ADAMTS2: variants seen among roughly 807,000 people sequenced by gnomAD.
ADAMTS2 encodes the protein A disintegrin and metalloproteinase with thrombospondin motifs 2.
ADAMTS2 carries 50 observed loss-of-function variants against 123.0 expected under a neutral mutation model. The observed-to-expected ratio is 0.41, with a 90% CI of 0.32 to 0.51. The LOEUF (loss-of-function observed/expected upper bound fraction) is 0.51. Among genes scored for constraint, ADAMTS2 ranks in the 20% least tolerant of loss-of-function variants. The pLI is 0.35. For synonymous variants in ADAMTS2, 678 were observed against 695.4 expected (o/e 0.98, Z 0.39); for missense variants, 1,494 against 1,705.2 (o/e 0.88, Z 2.18).
At chr5:179,151,164 T>TG in intron 10 of ADAMTS2, 1 of 362,030 alleles carries the variant, frequency 2.8e-6, no homozygotes, top group Non-Finnish European at 5.8e-6. Context: ...CCCAAAGTGC[T>TG]GGGATAACAG....
rs772438979 is a variant in ADAMTS2 at position 179,121,745 on chromosome 5, T to C, written c.3094A>G (p.Ile1032Val). 4 of 1,574,884 alleles carry C rather than the reference T, an allele frequency of 2.5e-6. No individual in the cohort carries two copies. The highest frequency in any genetic ancestry group is 3.5e-6 in the Non-Finnish European group (4 of 1,158,042). Residue 1032 changes from isoleucine to valine, a missense_variant, in exon 21 of 22, where the codon ATC becomes GTC. By Grantham distance (29) the Ile-to-Val change is conservative (BLOSUM62 3). Transcript: ENST00000251582. ...TAGCTCTTCTTGGAGGGATCTGAGA[T>C]GTTTCCTAGAGGGAGGAGAGAGGGG... The part of the protein sequence containing the change: ...TCRLGPCPRN[I>V]SDPSKKSYVV...
In ADAMTS2 at chr5:179,150,266, G is replaced by A. The variant is rs2411907; in HGVS notation, c.1629+1876C>T. Among the ~76,000 whole-genome samples, 166 of 152,100 alleles carry A rather than the reference G, an allele frequency of 1.1e-3. 2 individuals carry two copies. In the East Asian group the frequency reaches 0.027, roughly 25 times the overall value. The stretch of plus-strand genomic sequence containing the variant: ...CCTTGTTCTCCAACTCAGCTTTTCC[G>A]AAGCTCCCCCTGGGGCCACGGCAGA... On this transcript the variant is annotated intron_variant, in intron 10 of 21. Coordinates refer to ENST00000251582, the MANE Select transcript of ADAMTS2 (RefSeq NM_014244.5).
In ADAMTS2 at chr5:179,155,199, T is replaced by C. The variant is rs955759758; in HGVS notation, c.1133-280A>G. Among the ~76,000 whole-genome samples the C allele has an allele frequency of 6.6e-6, 1 of 152,224 alleles. No individual in the cohort carries two copies. Among genetic ancestry groups the C allele is most frequent in the African/African-American group, 2.4e-5 (1 of 41,464 alleles). ...AGCTGGGGCCCTCTGCTTAGTCAGA[T>C]GTCACCTGCTATGGCTTGTCTGACA... On this transcript the variant is annotated intron_variant, in intron 6 of 21. Transcript: ENST00000251582. The surrounding 1 kb of genome is among the most constrained non-coding windows in gnomAD (Gnocchi z 5.1).
rs1011949431 is a variant in ADAMTS2, at chr5:179,130,489, C to G, written c.2291-391G>C. On this transcript the variant is annotated intron_variant, in intron 15 of 21. Transcript: ENST00000251582. This position sits in a 1 kb window ranked among gnomAD's most constrained non-coding sequence, Gnocchi z 4.3. ...CGGTGCAGGGCATCTGCTGGACAGG[C>G]GAGCACATGACCCTGCTGGAGTAGG... 2.0e-5 allele frequency among the ~76,000 whole-genome samples: 3 copies of G among 152,200 alleles called. No homozygotes were observed. The highest frequency in any genetic ancestry group is 7.2e-5 in the African/African-American group (3 of 41,458).
Position 179,151,570 on chromosome 5 carries a change from A to G in ADAMTS2, c.1629+572T>C, listed in dbSNP as rs73807257. The stretch of plus-strand genomic sequence containing the variant: ...ATCTGCATATGCCAGCCCCCTAGCA[A>G]GTAACTGGCTGAGGAGTGGGTGTGT... On this transcript the variant is annotated intron_variant, in intron 10 of 21. Transcript: ENST00000251582. Among the ~76,000 whole-genome samples the G allele has an allele frequency of 7.4e-3, 1,126 of 152,308 alleles. 17 individuals are homozygous for G. Among genetic ancestry groups the G allele is most frequent in the African/African-American group, 0.026 (1,065 of 41,566 alleles).
chr5:179,319,362 T>G (rs1169465166), intron 2 of ADAMTS2, among the ~76,000 whole-genome samples: 1 of 152,160 alleles, frequency 6.6e-6, no homozygotes, highest in African/African-American at 2.4e-5. Flanking sequence ...GTCATACATG[T>G]GTATCATATG....
intron 4 of ADAMTS2, among the ~76,000 whole-genome samples, chr5:179,196,211 G>A (rs1764428333): frequency 6.6e-6 from 1 of 152,032 alleles, no homozygotes; most frequent in African/African-American, 2.4e-5. Flanking sequence ...ATGAAAAGAG[G>A]AAAAATATCT....
At chr5:179,315,724 C>T (rs949025968) in intron 2 of ADAMTS2, among the ~76,000 whole-genome samples, 5 of 152,226 alleles carry the variant, frequency 3.3e-5, no homozygotes, top group African/African-American at 9.6e-5. Flanking sequence ...ACTGGCCGCC[C>T]CCAGGAGCTG....
intron 2 of ADAMTS2, among the ~76,000 whole-genome samples, chr5:179,295,905 A>G (rs991877029): frequency 3.3e-5 from 5 of 152,332 alleles, no homozygotes; most frequent in Admixed American, 6.5e-5. Flanking sequence ...GCGTGGAGAC[A>G]GGTGGGGCTG....
intron 2 of ADAMTS2, 56 bp from the exon 3 acceptor site, chr5:179,273,120 G>C (rs1209649872): frequency 1.2e-6 from 2 of 1,611,516 alleles, no homozygotes; most frequent in Non-Finnish European, 8.5e-7. Context: ...CCAAGGAAGG[G>C]GAACAGCGAG....
Position 179,132,335 on chromosome 5 carries a change from GA to G in ADAMTS2, c.2210-26del, listed in dbSNP as rs1762979424. 4.3e-6 allele frequency: 7 copies of G among 1,610,188 alleles called. No individual in the cohort carries two copies. The highest frequency in any genetic ancestry group is 5.9e-6 in the Non-Finnish European group (7 of 1,176,744). ...CCTTTTTTTGATGTGGAAAGACACA[GA>G]AAACTGAGAAGGGAAGGCGCCGCTC... On this transcript the variant is annotated intron_variant, in intron 14 of 21. Transcript: ENST00000251582. This position sits in a 1 kb window ranked among gnomAD's most constrained non-coding sequence, Gnocchi z 6.1.
chr5:179,343,324 C>T (rs377273567), intron 2 of ADAMTS2, among the ~76,000 whole-genome samples: 6 of 152,244 alleles, frequency 3.9e-5, no homozygotes, highest in East Asian at 1.9e-4. Flanking sequence ...TGCAGAAACC[C>T]AGACACATAC....
chr5:179,222,755 C>G (rs752519561), intron 3 of ADAMTS2, among the ~76,000 whole-genome samples: 2 of 152,202 alleles, frequency 1.3e-5, no homozygotes, highest in African/African-American at 2.4e-5. Flanking sequence ...CCTGCCTGCC[C>G]TGCAGAGGTG....
At chr5:179,219,900 C>T (rs1034817072) in intron 3 of ADAMTS2, among the ~76,000 whole-genome samples, 14 of 152,242 alleles carry the variant, frequency 9.2e-5, no homozygotes, top group African/African-American at 3.1e-4. Context: ...CACTCTCCAG[C>T]GGCCTCTGCA....
chr5:179,223,519 C>G (rs563568694), intron 3 of ADAMTS2, among the ~76,000 whole-genome samples: 1,980 of 144,608 alleles, frequency 0.014, 44 homozygotes, highest in African/African-American at 0.052. Flanking sequence ...TACGAATGCA[C>G]TCACACACAT....
intron 10 of ADAMTS2, 54 bp from the exon 11 acceptor site, chr5:179,140,089 C>T: frequency 1.2e-6 from 2 of 1,611,236 alleles, no homozygotes; most frequent in Non-Finnish European, 1.7e-6. Flanking sequence ...GCCGTGGGGA[C>T]AGTCCTGCGC....
At position 179,312,065 on chromosome 5, in the gene ADAMTS2, A is replaced by G. The variant is rs1756849049; in HGVS notation, c.534+31702T>C. Among the ~76,000 whole-genome samples, 1 of 152,204 alleles carries G rather than the reference A, an allele frequency of 6.6e-6. No homozygotes were observed. The highest frequency in any genetic ancestry group is 1.5e-5 in the Non-Finnish European group (1 of 68,032). On this transcript the variant is annotated intron_variant, in intron 2 of 21. Transcript: ENST00000251582. The surrounding 1 kb of genome is among the most constrained non-coding windows in gnomAD (Gnocchi z 4.2). ...GCCCCAGGCTAATGTTAGAAGCTGC[A>G]GAGGTGCAAATATAACAGTCAGACG...
chr5:179,127,596 G>A (rs376780003), intron 17 of ADAMTS2, among the ~76,000 whole-genome samples: 1 of 152,058 alleles, frequency 6.6e-6, no homozygotes, highest in Non-Finnish European at 1.5e-5. Flanking sequence ...CTCTGGAGGT[G>A]TCATCTGCAC....
rs770001135 is a variant in ADAMTS2 at position 179,343,889 on chromosome 5, C to G, written c.412G>C (p.Glu138Gln). 6.2e-7 allele frequency: 1 copy of G among 1,603,494 alleles called. No individual in the cohort carries two copies. The highest frequency in any genetic ancestry group is 1.7e-5 in the Admixed American group (1 of 57,710). ...GTGGTGCCCTTCTCGCCCTGCCACT[C>G]CATAGTGGCCCCGGGCGCCACGAGG... ...ARLVAPGATM[E>Q]WQGEKGTTRV... Residue 138 changes from glutamate to glutamine, a missense_variant, in exon 2 of 22, where the codon GAG becomes CAG. Coordinates refer to ENST00000251582, the MANE Select transcript of ADAMTS2 (RefSeq NM_014244.5).
Sources: gnomAD v4.1 joint callset for allele counts (sites outside exome capture counted in the v4.1 genomes callset) on GRCh38, gnomAD v4.1.1 for gene constraint, Gnocchi (gnomAD v3.1) non-coding constraint, MANE v1.5 for transcripts, NCBI Gene and HGNC (gene_info 2026-07-23, HGNC 2026-07-21) for gene names.